NXPE2: variants seen among roughly 807,000 people sequenced by gnomAD.
NXPE2 encodes NXPE family member 2.
Under a neutral mutation model 34.4 loss-of-function variants are expected in NXPE2, and 34 were observed. That is an observed-to-expected ratio of 0.99 (90% CI 0.75 to 1.31). The LOEUF is 1.31. Among genes scored for constraint, NXPE2 ranks in the 40% most tolerant of loss-of-function variants. The pLI, the probability that NXPE2 is intolerant of heterozygous loss-of-function variation, is 0.00. For missense variants in NXPE2, 649 were observed against 672.5 expected (o/e 0.97, Z 0.39); for synonymous variants, 235 against 231.3 (o/e 1.02, Z -0.15).
chr11:114,493,549 G>A, the NXPE2 span, among the ~76,000 whole-genome samples: 10 of 152,246 alleles, frequency 6.6e-5, 1 homozygote, highest in South Asian at 4.2e-4. Flanking sequence ...ATTTTGAACC[G>A]ATGACAACTT....
the NXPE2 span, among the ~76,000 whole-genome samples, chr11:114,760,620 G>A: frequency 6.6e-6 from 1 of 152,192 alleles, no homozygotes; most frequent in Non-Finnish European, 1.5e-5. Flanking sequence ...AATCCAAAGT[G>A]CCTGTGAACA....
rs1363284978 is a variant in NXPE2 at position 114,706,396 on chromosome 11, C to T, written c.1146C>T (p.Thr382=). The T allele has an allele frequency of 3.9e-6, 6 of 1,525,024 alleles. No homozygotes were observed. Among genetic ancestry groups the T allele is most frequent in the Non-Finnish European group, 5.3e-6 (6 of 1,135,326 alleles). 94.5% of individuals were successfully genotyped at this position (1,525,024 alleles called of 1,614,324 possible). Residue 382 remains threonine, a splice_region_variant and synonymous_variant, in exon 6 of 6, where the codon ACC becomes ACT. Transcript: ENST00000389586. ...ATTTATTGATTTGTCTTTCATCAGCCCTAAAATATTTTGATCATCATGGAG... is the reference window on the plus strand; with the variant it reads ...ATTTATTGATTTGTCTTTCATCAGCTCTAAAATATTTTGATCATCATGGAG... ...WIYYLQKAVK[T]LKYFDHHGAG... is the part of the protein sequence containing the mutation.
the NXPE2 span, among the ~76,000 whole-genome samples, chr11:114,664,012 T>A: frequency 6.6e-6 from 1 of 152,128 alleles, no homozygotes; most frequent in Non-Finnish European, 1.5e-5. Flanking sequence ...AAAACAGACT[T>A]ACCACACAGC....
At chr11:114,694,926 T>G (rs1370056505) in intron 2 of NXPE2, among the ~76,000 whole-genome samples, 1 of 151,966 alleles carries the variant, frequency 6.6e-6, no homozygotes, top group African/African-American at 2.4e-5. Context: ...TCAAAATCTC[T>G]ACTATAACTA....
the NXPE2 span, among the ~76,000 whole-genome samples, chr11:114,612,514 G>A: frequency 8.6e-5 from 13 of 151,112 alleles, 1 homozygote; most frequent in South Asian, 6.3e-4. Flanking sequence ...GTGTTTCCTC[G>A]GGGGTAACCA....
At chr11:114,481,327 G>A in the NXPE2 span, among the ~76,000 whole-genome samples, 1 of 152,200 alleles carries the variant, frequency 6.6e-6, no homozygotes. Flanking sequence ...CTAGCACAGA[G>A]AAGGAACTCA....
chr11:114,503,962 G>C, the NXPE2 span, among the ~76,000 whole-genome samples: 1 of 152,184 alleles, frequency 6.6e-6, no homozygotes, highest in African/African-American at 2.4e-5. Flanking sequence ...CAGTCTTGGG[G>C]GGCTCTGGAG....
chr11:114,694,025 T>C (rs1951202622), intron 2 of NXPE2, among the ~76,000 whole-genome samples: 1 of 152,200 alleles, frequency 6.6e-6, no homozygotes, highest in Admixed American at 6.5e-5. Context: ...CCCTGGCCTT[T>C]TGAAGAGAGA....
At chr11:114,777,947 T>C in the NXPE2 span, among the ~76,000 whole-genome samples, 2 of 152,204 alleles carry the variant, frequency 1.3e-5, no homozygotes, top group Admixed American at 1.3e-4. Context: ...AAAACAGACA[T>C]GGTCTCTGCT....
chr11:114,800,556 C>CCTCGTACCTAGTAAG, the NXPE2 span, among the ~76,000 whole-genome samples: 2 of 152,142 alleles, frequency 1.3e-5, no homozygotes, highest in Admixed American at 6.5e-5. Context: ...TATCTGCAAA[C>CCTCGTACCTAGTAAG]CTCGTACCTA....
upstream of NXPE2, among the ~76,000 whole-genome samples, chr11:114,675,243 G>T (rs1247005091): frequency 2.0e-5 from 3 of 151,778 alleles, no homozygotes; most frequent in African/African-American, 7.2e-5. Flanking sequence ...TTTCCTTTAA[G>T]ATGAGGAATA....
chr11:114,542,457 A>ATT, the NXPE2 span, among the ~76,000 whole-genome samples: 1 of 152,196 alleles, frequency 6.6e-6, no homozygotes, highest in South Asian at 2.1e-4. Flanking sequence ...TGAATCATAT[A>ATT]TTTATTTACA....
the NXPE2 span, chr11:114,522,939 A>G: frequency 1.2e-6 from 2 of 1,613,680 alleles, no homozygotes; most frequent in South Asian, 2.2e-5. Context: ...CCCAGGAGGT[A>G]AATGAGTTTG....
chr11:114,583,741 G>A, the NXPE2 span: 1 of 513,638 alleles, frequency 1.9e-6, no homozygotes. Context: ...CCTTGGAACT[G>A]CTAAAGTATC....
the NXPE2 span, among the ~76,000 whole-genome samples, chr11:114,753,379 C>A: frequency 6.8e-6 from 1 of 146,438 alleles, no homozygotes; most frequent in Admixed American, 7.0e-5. Flanking sequence ...GGCGACAGAG[C>A]AAGACCCTGT....
chr11:114,466,819 T>C, the NXPE2 span, among the ~76,000 whole-genome samples: 14 of 151,694 alleles, frequency 9.2e-5, no homozygotes, highest in African/African-American at 3.1e-4. Flanking sequence ...CTTTTCTTCT[T>C]ATTTCATGTA....
chr11:114,806,531 G>C, the NXPE2 span, among the ~76,000 whole-genome samples: 4 of 152,320 alleles, frequency 2.6e-5, no homozygotes, highest in African/African-American at 9.6e-5. Flanking sequence ...ACCAAGGCAC[G>C]AGAGCTACAT....
At chr11:114,714,494 A>G in the NXPE2 span, among the ~76,000 whole-genome samples, 1 of 152,172 alleles carries the variant, frequency 6.6e-6, no homozygotes, top group African/African-American at 2.4e-5. Context: ...CACTGAATTA[A>G]CTCAAAACTG....
chr11:114,585,720 G>C, the NXPE2 span, among the ~76,000 whole-genome samples: 1 of 152,066 alleles, frequency 6.6e-6, no homozygotes, highest in South Asian at 2.1e-4. Flanking sequence ...AGGAGTCCTT[G>C]GCAAGGCTTC....
Sources: gnomAD v4.1 joint callset for allele counts (sites outside exome capture counted in the v4.1 genomes callset) on GRCh38, gnomAD v4.1.1 for gene constraint, MANE v1.5 for transcripts, NCBI Gene and HGNC (gene_info 2026-07-23, HGNC 2026-07-21) for gene names.